The following PPTC7 variants were observed in gnomAD, a reference collection of about 807,000 sequenced individuals.
PPTC7 encodes protein phosphatase targeting COQ7, also known as protein phosphatase PTC7 homolog.
Under a neutral mutation model 30.8 loss-of-function variants are expected in PPTC7, and 6 were observed. The observed-to-expected ratio is 0.19, with a 90% CI of 0.11 to 0.38. The LOEUF is 0.38. Among genes scored for constraint, PPTC7 ranks in the 10% least tolerant of loss-of-function variants. The pLI is 1.00. For missense variants in PPTC7, 218 were observed against 404.8 expected, an observed-to-expected ratio of 0.54 and a Z score of 3.96; for synonymous variants, 163 against 168.1, an observed-to-expected ratio of 0.97 and a Z score of 0.23.
intron 1 of PPTC7, among the ~76,000 whole-genome samples, chr12:110,564,854 A>G (rs941388764): frequency 4.4e-5 from 6 of 135,232 alleles, no homozygotes; most frequent in African/African-American, 1.8e-4. Flanking sequence ...ATATACACGT[A>G]TATGTATATG....
At chr12:110,540,259 A>T (rs2064247804) in intron 3 of PPTC7, among the ~76,000 whole-genome samples, 1 of 151,552 alleles carries the variant, frequency 6.6e-6, no homozygotes, top group African/African-American at 2.4e-5. Flanking sequence ...ACACCTCTAA[A>T]ATCCTAGTGG....
At chr12:110,572,903 C>T (rs1439718162) in intron 1 of PPTC7, among the ~76,000 whole-genome samples, 1 of 151,740 alleles carries the variant, frequency 6.6e-6, no homozygotes, top group East Asian at 1.9e-4. Context: ...ATTTTTGAGA[C>T]GAGTCTCACT....
Position 110,583,051 on chromosome 12 carries a change from A to AGGAGGCG in PPTC7, c.-27_-21dup. 2.2e-6 allele frequency: 3 copies of AGGAGGCG among 1,369,336 alleles called. No homozygotes were observed. Among genetic ancestry groups the AGGAGGCG allele is most frequent in the Non-Finnish European group, 2.8e-6 (3 of 1,072,382 alleles). The allele number at this position is 1,369,336 out of a possible 1,614,324, so 84.8% of individuals were successfully genotyped here. A position where few individuals can be genotyped will look rare whatever the true frequency, so the allele number is the denominator to read the frequency against. On this transcript the variant is annotated 5_prime_UTR_variant, in exon 1 of 6. Transcript: ENST00000354300. ...GAACATCGCCGCCGCCGCCCCCCCG[A>AGGAGGCG]GGAGGCGGGGGGCCGGGGGAGCAGG...
At chr12:110,543,128 G>A (rs975618853) in intron 3 of PPTC7, among the ~76,000 whole-genome samples, 1 of 152,210 alleles carries the variant, frequency 6.6e-6, no homozygotes, top group Non-Finnish European at 1.5e-5. Context: ...CCCAACACTT[G>A]TGTAAGCAAC....
At position 110,535,533 on chromosome 12, in the gene PPTC7, T is replaced by C. The variant is rs1051224293; in HGVS notation, c.*1504A>G. On this transcript the variant is annotated 3_prime_UTR_variant, in exon 6 of 6. Transcript: ENST00000354300. ...AAACAAGTTGAGGTAACCTCAAACA[T>C]AAATTTTAATGCAATAAACCAGGGA... is the stretch of plus-strand genomic sequence containing the variant. 4 of 152,614 alleles carry C rather than the reference T, an allele frequency of 2.6e-5. No homozygotes were observed. The highest frequency in any genetic ancestry group is 9.7e-5 in the African/African-American group (4 of 41,448). 9.5% of individuals were successfully genotyped at this position (152,614 alleles called of 1,614,324 possible). A position where few individuals can be genotyped will look rare whatever the true frequency, so the allele number is the denominator to read the frequency against.
chr12:110,574,306 G>A (rs1489266967), intron 1 of PPTC7, among the ~76,000 whole-genome samples: 1 of 151,974 alleles, frequency 6.6e-6, no homozygotes, highest in African/African-American at 2.4e-5. Flanking sequence ...GATAAGAGCA[G>A]CAGCTTCGTA....
rs745522926 is a variant in PPTC7, at chr12:110,582,828, G to A, written c.204C>T (p.His68=). The change falls in exon 1 of 6, where the codon CAC becomes CAT. Residue 68 remains histidine (H), a synonymous_variant. Coordinates refer to ENST00000354300, the MANE Select transcript of PPTC7 (RefSeq NM_139283.2). ...ACTCACCGAGCACGTCCGCGGAACG[G>A]TGCCGGGCCACGAAGCACGCGTCGT... ...YGDDACFVAR[H]RSADVLGVAD... The A allele has an allele frequency of 2.6e-6, 4 of 1,564,262 alleles. No homozygotes were observed. The highest frequency in any genetic ancestry group is 3.5e-6 in the Non-Finnish European group (4 of 1,154,828).
rs1049424266 is a variant in PPTC7, at chr12:110,536,844, C to G, written c.*193G>C. 3.8e-6 allele frequency: 2 copies of G among 524,230 alleles called. No individual in the cohort carries two copies. The highest frequency in any genetic ancestry group is 6.8e-6 in the Non-Finnish European group (2 of 295,986). The allele number at this position is 524,230 out of a possible 1,614,324, so 32.5% of individuals were successfully genotyped here. A position where few individuals can be genotyped will look rare whatever the true frequency, so the allele number is the denominator to read the frequency against. On this transcript the variant is annotated 3_prime_UTR_variant, in exon 6 of 6. Coordinates refer to ENST00000354300, the MANE Select transcript of PPTC7 (RefSeq NM_139283.2). Reference sequence around the variant, plus strand: ...ATTGGATCTCTTCAATTGCTGCCGGCAGATATGAGCTAGTGAATGATAGTA... The same window carrying G: ...ATTGGATCTCTTCAATTGCTGCCGGGAGATATGAGCTAGTGAATGATAGTA...
intron 1 of PPTC7, among the ~76,000 whole-genome samples, chr12:110,580,288 C>T (rs2064625891): frequency 6.6e-6 from 1 of 152,116 alleles, no homozygotes; most frequent in Non-Finnish European, 1.5e-5. Flanking sequence ...GACCAAAATC[C>T]CCCCAATTCT....
At position 110,537,241 on chromosome 12, in the gene PPTC7, AT is replaced by A. The variant is rs1332599273; in HGVS notation, c.857-147del. 28 of 521,612 alleles carry A rather than the reference AT, an allele frequency of 5.4e-5. No homozygotes were observed. The East Asian group carries it at 6.9e-4, about 13-fold the overall frequency. The allele number at this position is 521,612 out of a possible 1,614,324, so 32.3% of individuals were successfully genotyped here. On this transcript the variant is annotated intron_variant, in intron 5 of 5. Transcript: ENST00000354300. ...ATACCCTAGTAGAATAAAGAAAAAA[AT>A]ATTTGATTAAAAAAAAACAGTTAAA...
At position 110,577,908 on chromosome 12, in the gene PPTC7, A is replaced by AAC. The variant is rs150465990; in HGVS notation, c.223+4899_223+4900dup. On this transcript the variant is annotated intron_variant, in intron 1 of 5. Transcript: ENST00000354300. The stretch of plus-strand genomic sequence containing the variant: ...AGTCAGAGTGAATAAAGAAGTTATA[A>AAC]ACACACACACACACACACCCAGGAA... 8.4e-3 allele frequency among the ~76,000 whole-genome samples: 1,263 copies of AAC among 151,134 alleles called. 47 individuals are homozygous for AAC. The East Asian group carries it at 0.11, about 13-fold the overall frequency.
intron 3 of PPTC7, among the ~76,000 whole-genome samples, chr12:110,545,412 C>G (rs1593146335): frequency 6.6e-6 from 1 of 152,274 alleles, no homozygotes; most frequent in Non-Finnish European, 1.5e-5. Context: ...CATTTTGACT[C>G]CATTTCCTGC....
chr12:110,579,666 G>A lies in PPTC7; in HGVS notation c.223+3143C>T, dbSNP rs544767788. On this transcript the variant is annotated intron_variant, in intron 1 of 5. Coordinates refer to ENST00000354300, the MANE Select transcript of PPTC7 (RefSeq NM_139283.2). The stretch of plus-strand genomic sequence containing the variant: ...AAACAGGAATCTACTGAAGGTGCCC[G>A]TGACACCTGTCATTTGAGGTGCAGA... Among the ~76,000 whole-genome samples, 52 of 152,294 alleles carry A rather than the reference G, an allele frequency of 3.4e-4. No individual in the cohort carries two copies. In the East Asian group the frequency reaches 6.8e-3, roughly 20 times the overall value.
intron 1 of PPTC7, among the ~76,000 whole-genome samples, chr12:110,556,910 G>A (rs1165179879): frequency 6.6e-6 from 1 of 152,204 alleles, no homozygotes; most frequent in Non-Finnish European, 1.5e-5. Context: ...AACAGTGCCA[G>A]CCTGCTCTGA....
At chr12:110,568,260 T>G (rs568834205) in intron 1 of PPTC7, among the ~76,000 whole-genome samples, 69 of 151,540 alleles carry the variant, frequency 4.6e-4, no homozygotes, top group Non-Finnish European at 6.5e-4. Flanking sequence ...TGCGTTTTTT[T>G]TTTTTTTTTT....
At chr12:110,569,478 G>A (rs1015613247) in intron 1 of PPTC7, among the ~76,000 whole-genome samples, 8 of 152,272 alleles carry the variant, frequency 5.3e-5, no homozygotes, top group Admixed American at 3.9e-4. Flanking sequence ...TGGTCAGATC[G>A]TTTCTCTAAG....
At chr12:110,548,508 C>T (rs1293712800) in intron 2 of PPTC7, among the ~76,000 whole-genome samples, 1 of 152,194 alleles carries the variant, frequency 6.6e-6, no homozygotes, top group Admixed American at 6.5e-5. Context: ...CGCTCCATAG[C>T]TTACAGTAGG....
intron 2 of PPTC7, among the ~76,000 whole-genome samples, chr12:110,548,259 A>C (rs1268220374): frequency 2.6e-5 from 4 of 152,192 alleles, no homozygotes; most frequent in Non-Finnish European, 5.9e-5. Context: ...AATCACTCAA[A>C]TATTAATAGT....
chr12:110,539,990 C>T (rs774599998), intron 3 of PPTC7, 45 bp from the exon 4 acceptor site: 1 of 1,587,964 alleles, frequency 6.3e-7, no homozygotes, highest in East Asian at 2.3e-5. Context: ...AGGCCCTTTA[C>T]AGATGAGTTG....
Sources: allele counts gnomAD v4.1 joint callset (sites outside exome capture counted in the v4.1 genomes callset), GRCh38; gene constraint gnomAD v4.1.1; transcripts MANE v1.5; gene names NCBI Gene and HGNC (gene_info 2026-07-23, HGNC 2026-07-21).